Variants in JAKMIP1 observed in about 807,000 individuals in gnomAD.
JAKMIP1 encodes the protein janus kinase and microtubule interacting protein 1.
JAKMIP1 carries 33 observed loss-of-function variants against 113.0 expected under a neutral mutation model. The observed-to-expected ratio is 0.29, with a 90% CI of 0.22 to 0.39. The LOEUF (loss-of-function observed/expected upper bound fraction) is 0.39. JAKMIP1 is among the 10% of genes least tolerant of loss of function. JAKMIP1 has a pLI of 1.00. For missense variants in JAKMIP1, 813 were observed against 1,080.5 expected (o/e 0.75, Z 3.47); for synonymous variants, 480 against 459.9 (o/e 1.04, Z -0.56).
In JAKMIP1 at chr4:6,167,256, C is replaced by T. The variant is rs1723753147; in HGVS notation, c.-148+32997G>A. ...GCACTCCCTCCCTCCCTCTTGCATC[C>T]AAGCAGTCCCCATGTCCCATCAGAG... On this transcript the variant is annotated intron_variant, in intron 1 of 20. Transcript: ENST00000409021. The surrounding 1 kb of genome is among the most constrained non-coding windows in gnomAD (Gnocchi z 5.3). 6.6e-6 allele frequency among the ~76,000 whole-genome samples: 1 copy of T among 152,122 alleles called. No homozygotes were observed. Among genetic ancestry groups the T allele is most frequent in the South Asian group, 2.1e-4 (1 of 4,824 alleles).
In JAKMIP1 at chr4:6,139,890, A is replaced by T. The variant is rs568699772; in HGVS notation, c.-147-26893T>A. On this transcript the variant is annotated intron_variant, in intron 1 of 20. Transcript: ENST00000409021. The surrounding 1 kb of genome is among the most constrained non-coding windows in gnomAD (Gnocchi z 5.2). The stretch of plus-strand genomic sequence containing the variant: ...GGTCACGGGGCAGATTCCACGAGCC[A>T]AGGAATACCAAGGACTGCCACCAAA... 9.9e-5 allele frequency among the ~76,000 whole-genome samples: 15 copies of T among 152,278 alleles called. No individual in the cohort carries two copies. The South Asian group carries it at 2.5e-3, about 25-fold the overall frequency.
Position 6,064,777 on chromosome 4 carries a change from A to C in JAKMIP1, c.1431+103T>G. 1 of 1,482,500 alleles carries C rather than the reference A, an allele frequency of 6.7e-7. No homozygotes were observed. 91.8% of individuals were successfully genotyped at this position (1,482,500 alleles called of 1,614,324 possible). The stretch of plus-strand genomic sequence containing the variant: ...GGTAGGAACTGGTCATCTGGGGTTC[A>C]GAACTATAGGCAAGGGAGCGAAACT... On this transcript the variant is annotated intron_variant, in intron 9 of 20. Transcript: ENST00000409021. The surrounding 1 kb of genome is among the most constrained non-coding windows in gnomAD (Gnocchi z 4.3).
intron 1 of JAKMIP1, among the ~76,000 whole-genome samples, chr4:6,174,547 AG>A (rs1324558579): frequency 1.3e-5 from 2 of 152,162 alleles, no homozygotes; most frequent in Non-Finnish European, 2.9e-5. Flanking sequence ...AGAGCGAACC[AG>A]GGTGCAGAAG....
chr4:6,189,925 A>G (rs1432778754), intron 1 of JAKMIP1, among the ~76,000 whole-genome samples: 3 of 152,362 alleles, frequency 2.0e-5, no homozygotes, highest in Admixed American at 2.0e-4. Flanking sequence ...GCTCTGCTGC[A>G]GGCGTGGCAG....
chr4:6,084,717 G>T, intron 5 of JAKMIP1, 129 bp downstream of exon 5: 1 of 974,954 alleles, frequency 1.0e-6, no homozygotes, highest in Non-Finnish European at 1.4e-6. Context: ...TAATCGAAAA[G>T]AAGTAAGAAG....
At chr4:6,102,181 T>C (rs1317148736) in intron 3 of JAKMIP1, among the ~76,000 whole-genome samples, 1 of 152,220 alleles carries the variant, frequency 6.6e-6, no homozygotes, top group Non-Finnish European at 1.5e-5. Context: ...ATTTTCTAAT[T>C]GTTCACTGCT....
chr4:6,027,446 T>C (rs1712000006), intron 20 of JAKMIP1, among the ~76,000 whole-genome samples: 1 of 152,256 alleles, frequency 6.6e-6, no homozygotes, highest in African/African-American at 2.4e-5. Context: ...GTTAAGACCA[T>C]CCAGTGGGGG....
chr4:6,047,128 AG>A (rs1194332861), intron 16 of JAKMIP1, among the ~76,000 whole-genome samples: 1 of 152,192 alleles, frequency 6.6e-6, no homozygotes. Context: ...GTCATGGCTG[AG>A]AGAGATGTGG....
intron 1 of JAKMIP1, among the ~76,000 whole-genome samples, chr4:6,123,606 G>A (rs1425379011): frequency 6.6e-6 from 1 of 152,192 alleles, no homozygotes; most frequent in African/African-American, 2.4e-5. Flanking sequence ...GGATGGTTGA[G>A]CCCAGGAGTT....
At chr4:6,195,405 T>C (rs922912453) in intron 1 of JAKMIP1, among the ~76,000 whole-genome samples, 37 of 152,188 alleles carry the variant, frequency 2.4e-4, no homozygotes, top group African/African-American at 8.9e-4. Flanking sequence ...ATATTAACCA[T>C]GATTAAATAT....
At chr4:6,191,195 T>C (rs544097166) in intron 1 of JAKMIP1, among the ~76,000 whole-genome samples, 8 of 152,300 alleles carry the variant, frequency 5.3e-5, no homozygotes, top group Non-Finnish European at 1.0e-4. Context: ...TGGGCGTGGA[T>C]GCCAGTGAGT....
chr4:6,183,851 C>G lies in JAKMIP1; in HGVS notation c.-148+16402G>C, dbSNP rs917440063. ...TGAAATGCACTCTGAGAATGCAAGA[C>G]AAGTCACTCCCAAAAACGGAATCAC... On this transcript the variant is annotated intron_variant, in intron 1 of 20. Transcript: ENST00000409021. This position sits in a 1 kb window ranked among gnomAD's most constrained non-coding sequence, Gnocchi z 5.3. Among the ~76,000 whole-genome samples the G allele has an allele frequency of 1.3e-5, 2 of 152,168 alleles. No individual in the cohort carries two copies. The highest frequency in any genetic ancestry group is 2.9e-5 in the Non-Finnish European group (2 of 68,040).
intron 1 of JAKMIP1, among the ~76,000 whole-genome samples, chr4:6,149,728 C>T (rs188438559): frequency 3.3e-5 from 5 of 152,100 alleles, no homozygotes; most frequent in African/African-American, 7.2e-5. Context: ...CAGGGCCCTG[C>T]ACCTCTTGAC....
chr4:6,079,663 C>T (rs1207734126), intron 7 of JAKMIP1, among the ~76,000 whole-genome samples: 3 of 152,126 alleles, frequency 2.0e-5, no homozygotes, highest in African/African-American at 7.2e-5. Flanking sequence ...TTAGGACATA[C>T]TCAACCCCCT....
At chr4:6,084,703 T>C in intron 5 of JAKMIP1, 143 bp downstream of exon 5, 1 of 886,414 alleles carries the variant, frequency 1.1e-6, no homozygotes, top group South Asian at 2.9e-5. Flanking sequence ...ATGTGTTAGA[T>C]TTTTAATCGA....
At chr4:6,047,440 T>C (rs1173252297) in intron 16 of JAKMIP1, among the ~76,000 whole-genome samples, 1 of 152,204 alleles carries the variant, frequency 6.6e-6, no homozygotes, top group Non-Finnish European at 1.5e-5. Flanking sequence ...ATATGCCCCA[T>C]GTGCCCCGCC....
At position 6,141,305 on chromosome 4, in the gene JAKMIP1, G is replaced by A. The variant is rs866599007; in HGVS notation, c.-147-28308C>T. Among the ~76,000 whole-genome samples the A allele has an allele frequency of 7.9e-5, 12 of 151,972 alleles. No homozygotes were observed. The highest frequency in any genetic ancestry group is 2.1e-4 in the South Asian group (1 of 4,818). ...ACAAAAATTAGCCAGGGGTGGTGGCGCGCATCTGTAATCCCAGCTACTTGA... is the reference window on the plus strand; with the variant it reads ...ACAAAAATTAGCCAGGGGTGGTGGCACGCATCTGTAATCCCAGCTACTTGA... On this transcript the variant is annotated intron_variant, in intron 1 of 20. Coordinates refer to ENST00000409021, the MANE Select transcript of JAKMIP1 (RefSeq NM_001099433.2). The surrounding 1 kb of genome is among the most constrained non-coding windows in gnomAD (Gnocchi z 9.4).
At chr4:6,123,046 G>C (rs538983917) in intron 1 of JAKMIP1, among the ~76,000 whole-genome samples, 5 of 152,324 alleles carry the variant, frequency 3.3e-5, no homozygotes, top group Middle Eastern at 3.4e-3. Context: ...CCCTTTAAAC[G>C]AAAGATGTCA....
At position 6,141,360 on chromosome 4, in the gene JAKMIP1, C is replaced by T. The variant is rs537107494; in HGVS notation, c.-147-28363G>A. ...CTGAGGCAGGAGAATTGCTTGAACCCGGCAGGCAGAAGTTGCAGTGAGCCG... is the reference window on the plus strand; with the variant it reads ...CTGAGGCAGGAGAATTGCTTGAACCTGGCAGGCAGAAGTTGCAGTGAGCCG... On this transcript the variant is annotated intron_variant, in intron 1 of 20. Transcript: ENST00000409021. The surrounding 1 kb of genome is among the most constrained non-coding windows in gnomAD (Gnocchi z 9.4). Among the ~76,000 whole-genome samples, 8 of 152,184 alleles carry T rather than the reference C, an allele frequency of 5.3e-5. No homozygotes were observed. Among genetic ancestry groups the T allele is most frequent in the East Asian group, 1.9e-4 (1 of 5,180 alleles).
Sources: gnomAD v4.1 joint callset for allele counts (sites outside exome capture counted in the v4.1 genomes callset) on GRCh38, gnomAD v4.1.1 for gene constraint, Gnocchi (gnomAD v3.1) non-coding constraint, MANE v1.5 for transcripts, NCBI Gene and HGNC (gene_info 2026-07-23, HGNC 2026-07-21) for gene names.